Variants in ANKRD13B observed in about 807,000 individuals in gnomAD.
ANKRD13B encodes the protein ankyrin repeat domain-containing protein 13B.
Under a neutral mutation model 74.4 loss-of-function variants are expected in ANKRD13B, and 33 were observed. The ratio of observed to expected loss-of-function variants is 0.44; its 90% CI spans 0.34 to 0.59. The LOEUF is 0.59. Among genes scored for constraint, ANKRD13B ranks in the 20% least tolerant of loss-of-function variants. ANKRD13B has a pLI of 0.02. For missense variants in ANKRD13B, 676 were observed against 877.9 expected (o/e 0.77, Z 2.91); for synonymous variants, 341 against 362.9 (o/e 0.94, Z 0.68).
rs991685487 is a variant in ANKRD13B at position 29,613,460 on chromosome 17, G to C, written c.1759G>C (p.Asp587His). ...CGGCGGCCACGTGTTCCGGAGCTACGACGAGCAGCTGCGGCTGGCGATGGA... is the reference window on the plus strand; with the variant it reads ...CGGCGGCCACGTGTTCCGGAGCTACCACGAGCAGCTGCGGCTGGCGATGGA... ...GSGGHVFRSY[D>H]EQLRLAMELS... The change falls in exon 15 of 15, where the codon GAC becomes CAC. Residue 587 changes from aspartate (D) to histidine (H), a missense_variant. Asp to His is a moderately conservative substitution (Grantham distance 81). Around this residue, in one of 4 missense-constraint regions of ANKRD13B, gnomAD observed 108 missense variants for 90.3 expected, o/e 1.20. Coordinates refer to ENST00000394859, the MANE Select transcript of ANKRD13B (RefSeq NM_152345.5). 1 of 1,533,312 alleles carries C rather than the reference G, an allele frequency of 6.5e-7. No homozygotes were observed. The highest frequency in any genetic ancestry group is 8.8e-7 in the Non-Finnish European group (1 of 1,142,168). The allele number at this position is 1,533,312 out of a possible 1,614,324, so 95.0% of individuals were successfully genotyped here.
In ANKRD13B at chr17:29,608,282, T is replaced by C. The variant is rs561944719; in HGVS notation, c.421+42T>C. On this transcript the variant is annotated intron_variant, in intron 4 of 14. Transcript: ENST00000394859. The surrounding 1 kb of genome is among the most constrained non-coding windows in gnomAD (Gnocchi z 6.4). Reference sequence around the variant, plus strand: ...AGGTCGCTTCTGGGCTCTCCCACTTTAGGTCCTGCGCTTGCTCCCCTGCCT... The same window carrying C: ...AGGTCGCTTCTGGGCTCTCCCACTTCAGGTCCTGCGCTTGCTCCCCTGCCT... 5.0e-6 allele frequency: 8 copies of C among 1,612,774 alleles called. No individual in the cohort carries two copies. The highest frequency in any genetic ancestry group is 1.6e-4 in the Middle Eastern group (1 of 6,074).
chr17:29,605,951 C>T (rs539322901), intron 1 of ANKRD13B, among the ~76,000 whole-genome samples: 7 of 150,920 alleles, frequency 4.6e-5, no homozygotes, highest in East Asian at 2.0e-4. Flanking sequence ...TTGCTCTTGT[C>T]GCCCAGGCTG....
In ANKRD13B at chr17:29,613,901, C is replaced by T. The variant is rs1377472285; in HGVS notation, c.*319C>T. ...AGGCGGTCCTGAGGGGGAGATGAAT[C>T]CTTAGAGGAGCGCTGTCCCTATCCC... On this transcript the variant is annotated 3_prime_UTR_variant, in exon 15 of 15. Transcript: ENST00000394859. 2.8e-6 allele frequency: 1 copy of T among 352,408 alleles called. No homozygotes were observed. 21.8% of individuals were successfully genotyped at this position (352,408 alleles called of 1,614,324 possible). A position where few individuals can be genotyped will look rare whatever the true frequency, so the allele number is the denominator to read the frequency against.
Position 29,611,273 on chromosome 17 carries a change from A to G in ANKRD13B, c.905-306A>G, listed in dbSNP as rs530952021. On this transcript the variant is annotated intron_variant, in intron 8 of 14. Coordinates refer to ENST00000394859, the MANE Select transcript of ANKRD13B (RefSeq NM_152345.5). This position sits in a 1 kb window ranked among gnomAD's most constrained non-coding sequence, Gnocchi z 4.3. ...ACACACACGCACATGCACACCCCAC[A>G]GTGCCTGCCGGGGCAGGCGTTTTAC... Among the ~76,000 whole-genome samples the G allele has an allele frequency of 1.3e-5, 2 of 152,354 alleles. No homozygotes were observed. The highest frequency in any genetic ancestry group is 4.8e-5 in the African/African-American group (2 of 41,588).
Position 29,612,339 on chromosome 17 carries a change from G to A in ANKRD13B, c.1259-63G>A. Reference sequence around the variant, plus strand: ...CGACCGGGGTTTAGATGAGGTCGGGGTGGGGCTGAGGCTGAGGTGTGAGGG... The same window carrying A: ...CGACCGGGGTTTAGATGAGGTCGGGATGGGGCTGAGGCTGAGGTGTGAGGG... On this transcript the variant is annotated intron_variant, in intron 11 of 14. Transcript: ENST00000394859. This position sits in a 1 kb window ranked among gnomAD's most constrained non-coding sequence, Gnocchi z 6.1. The A allele has an allele frequency of 1.9e-6, 3 of 1,611,670 alleles. No individual in the cohort carries two copies. The highest frequency in any genetic ancestry group is 1.7e-5 in the Admixed American group (1 of 59,942).
At chr17:29,598,443 C>G (rs964720837) in intron 1 of ANKRD13B, among the ~76,000 whole-genome samples, 6 of 152,096 alleles carry the variant, frequency 3.9e-5, no homozygotes, top group African/African-American at 1.2e-4. Context: ...TTGTCATTTA[C>G]CTCCCTAATT....
rs1210189968 is a variant in ANKRD13B at position 29,612,054 on chromosome 17, A to G, written c.1100+48A>G. 6.2e-7 allele frequency: 1 copy of G among 1,606,896 alleles called. No homozygotes were observed. Among genetic ancestry groups the G allele is most frequent in the Non-Finnish European group, 8.5e-7 (1 of 1,175,936 alleles). On this transcript the variant is annotated intron_variant, in intron 10 of 14. Transcript: ENST00000394859. The surrounding 1 kb of genome is among the most constrained non-coding windows in gnomAD (Gnocchi z 6.1). The stretch of plus-strand genomic sequence containing the variant: ...GAAGGTGGGGGGCCGGGGCTCCAGG[A>G]GATGCTGGGAGGCCATGGCTTCCTG...
chr17:29,598,429 C>G (rs1360154875), intron 1 of ANKRD13B, among the ~76,000 whole-genome samples: 2 of 152,144 alleles, frequency 1.3e-5, no homozygotes, highest in African/African-American at 4.8e-5. Context: ...ACTCTGGACT[C>G]CTTTTGTCAT....
In ANKRD13B at chr17:29,612,733, C is replaced by G. The variant is rs770662738; in HGVS notation, c.1493C>G (p.Ala498Gly). 6.2e-7 allele frequency: 1 copy of G among 1,600,582 alleles called. No individual in the cohort carries two copies. The highest frequency in any genetic ancestry group is 1.7e-5 in the Admixed American group (1 of 59,682). ...GYSMMGGQRE[A>G]ATRDDDDDLL... ...AGCATGATGGGCGGCCAGCGGGAGG[C>G]GGCGACCCGGGACGACGACGACGAC... The change falls in exon 13 of 15, where the codon GCG (alanine) becomes GGG (glycine). Residue 498 changes from alanine (A) to glycine (G), a missense_variant. Around this residue, in one of 4 missense-constraint regions of ANKRD13B, gnomAD observed 152 missense variants for 181.4 expected, o/e 0.84. Transcript: ENST00000394859. The surrounding 1 kb of genome is among the most constrained non-coding windows in gnomAD (Gnocchi z 6.1).
intron 1 of ANKRD13B, among the ~76,000 whole-genome samples, chr17:29,600,052 A>G (rs2034111817): frequency 6.6e-6 from 1 of 151,082 alleles, no homozygotes; most frequent in Non-Finnish European, 1.5e-5. Context: ...AATTTTTTGT[A>G]TTTTTAGTAG....
At chr17:29,599,865 GTTTTTTTTTTTTTT>G (rs35600194) in intron 1 of ANKRD13B, among the ~76,000 whole-genome samples, 5 of 50,770 alleles carry the variant, frequency 9.8e-5, no homozygotes, top group African/African-American at 1.5e-4. Context: ...CATCTAATTT[GTTTTTTTTTTTTTT>G]TTTTTTTTTT....
intron 1 of ANKRD13B, among the ~76,000 whole-genome samples, chr17:29,605,612 A>G (rs2034342990): frequency 6.6e-6 from 1 of 152,040 alleles, no homozygotes; most frequent in Non-Finnish European, 1.5e-5. Flanking sequence ...GACTACAGGC[A>G]CAGGCCATCA....
intron 1 of ANKRD13B, among the ~76,000 whole-genome samples, chr17:29,604,554 T>A (rs1369287272): frequency 6.6e-6 from 1 of 151,298 alleles, no homozygotes; most frequent in South Asian, 2.1e-4. Context: ...TTTCTTTTTT[T>A]TTTTTGAGAT....
At chr17:29,594,727 C>T (rs1291438482) in intron 1 of ANKRD13B, among the ~76,000 whole-genome samples, 1 of 152,220 alleles carries the variant, frequency 6.6e-6, no homozygotes, top group Non-Finnish European at 1.5e-5. Flanking sequence ...CAGTTTTGGA[C>T]TGGGTCTGAG....
In ANKRD13B at chr17:29,608,540, C is replaced by T; in HGVS notation, c.421+300C>T. The T allele has an allele frequency of 1.8e-6, 1 of 570,898 alleles. No homozygotes were observed. Among genetic ancestry groups the T allele is most frequent in the East Asian group, 2.9e-5 (1 of 34,360 alleles). 35.4% of individuals were successfully genotyped at this position (570,898 alleles called of 1,614,324 possible). The stretch of plus-strand genomic sequence containing the variant: ...TTTTTCACTGTTGTATTCCCAGTGG[C>T]TGGAACACTCAGTAGGTGTTTCATA... On this transcript the variant is annotated intron_variant, in intron 4 of 14. Coordinates refer to ENST00000394859, the MANE Select transcript of ANKRD13B (RefSeq NM_152345.5). The surrounding 1 kb of genome is among the most constrained non-coding windows in gnomAD (Gnocchi z 6.4).
In ANKRD13B at chr17:29,613,063, C is replaced by T. The variant is rs1461849225; in HGVS notation, c.1652+100C>T. Reference sequence around the variant, plus strand: ...ACCCGCGGGGCCCTCGGCAGGGACCCTCCTGGTATCGGGATGGCTTCTGCC... The same window carrying T: ...ACCCGCGGGGCCCTCGGCAGGGACCTTCCTGGTATCGGGATGGCTTCTGCC... On this transcript the variant is annotated intron_variant, in intron 14 of 14. Coordinates refer to ENST00000394859, the MANE Select transcript of ANKRD13B (RefSeq NM_152345.5). 3.4e-6 allele frequency: 5 copies of T among 1,453,786 alleles called. 1 individual carries two copies. The South Asian group carries it at 6.1e-5, about 18-fold the overall frequency. 90.1% of individuals were successfully genotyped at this position (1,453,786 alleles called of 1,614,324 possible). A position where few individuals can be genotyped will look rare whatever the true frequency, so the allele number is the denominator to read the frequency against.
At chr17:29,604,803 A>C (rs2034310593) in intron 1 of ANKRD13B, among the ~76,000 whole-genome samples, 1 of 152,162 alleles carries the variant, frequency 6.6e-6, no homozygotes, top group Non-Finnish European at 1.5e-5. Context: ...TCCGCCTCCC[A>C]AAGTGCTGGG....
Position 29,607,768 on chromosome 17 carries a change from C to A in ANKRD13B, c.141C>A (p.Arg47=). ...TGGACATCGAGCAGCTGGATCCCCG[C>A]GGCCGGACTCCCCTGCACCTGGCCA... ...GQVDIEQLDP[R]GRTPLHLATT... is the part of the protein sequence containing the mutation. Residue 47 remains arginine, a synonymous_variant, in exon 2 of 15, where the codon CGC becomes CGA. Transcript: ENST00000394859. 1 of 1,600,946 alleles carries A rather than the reference C, an allele frequency of 6.2e-7. No individual in the cohort carries two copies. The highest frequency in any genetic ancestry group is 1.3e-5 in the African/African-American group (1 of 74,986).
intron 1 of ANKRD13B, among the ~76,000 whole-genome samples, chr17:29,596,096 G>A (rs965457590): frequency 6.6e-6 from 1 of 152,228 alleles, no homozygotes; most frequent in Admixed American, 6.5e-5. Flanking sequence ...AAGCACTCAG[G>A]AGCCAGGTTT....
Sources: gnomAD v4.1 joint callset for allele counts (sites outside exome capture counted in the v4.1 genomes callset) on GRCh38, gnomAD v4.1.1 for gene constraint, gnomAD v4.1.1 regional missense constraint, Gnocchi (gnomAD v3.1) non-coding constraint, MANE v1.5 for transcripts, NCBI Gene and HGNC (gene_info 2026-07-23, HGNC 2026-07-21) for gene names.